Variants in ZNF672 observed in about 807,000 individuals in gnomAD.
ZNF672 encodes the protein hypothetical protein FLJ22301.
For missense variants in ZNF672, 733 were observed against 701.1 expected (o/e 1.05, Z -0.51); for synonymous variants, 358 against 305.6 (o/e 1.17, Z -1.79).
rs988896895 is a variant in ZNF672 at position 248,847,130 on chromosome 1, A to T, written c.-145A>T. On this transcript the variant is annotated 5_prime_UTR_variant, in exon 4 of 4. Transcript: ENST00000306562. Reference sequence around the variant, plus strand: ...TCTGCCCCTTAGAGAAGAACCCTGAAATCAGACCAGTTTTTGCGGCCTCCC... The same window carrying T: ...TCTGCCCCTTAGAGAAGAACCCTGATATCAGACCAGTTTTTGCGGCCTCCC... 10 of 1,143,828 alleles carry T rather than the reference A, an allele frequency of 8.7e-6. No individual in the cohort carries two copies. Among genetic ancestry groups the T allele is most frequent in the African/African-American group, 1.6e-5 (1 of 64,258 alleles). The allele number at this position is 1,143,828 out of a possible 1,614,324, so 70.9% of individuals were successfully genotyped here.
rs1659152023 is a variant in ZNF672 at position 248,847,305 on chromosome 1, G to A, written c.31G>A (p.Gly11Arg). Residue 11 changes from glycine to arginine, a missense_variant, in exon 4 of 4, where the codon GGG becomes AGG. Coordinates refer to ENST00000306562, the MANE Select transcript of ZNF672 (RefSeq NM_024836.3). ...TGCCACATCTGGGGCAGTGGCAGCG[G>A]GGAAGCCTTACTCGTGCAGCGAATG... The part of the protein sequence containing the change: MFATSGAVAA[G>R]KPYSCSECGK... 2 of 1,604,736 alleles carry A rather than the reference G, an allele frequency of 1.2e-6. No homozygotes were observed. Among genetic ancestry groups the A allele is most frequent in the Middle Eastern group, 1.7e-4 (1 of 6,058 alleles).
At position 248,847,907 on chromosome 1, in the gene ZNF672, C is replaced by T. The variant is rs1238883396; in HGVS notation, c.633C>T (p.Ser211=). The T allele has an allele frequency of 6.3e-7, 1 of 1,586,638 alleles. No homozygotes were observed. Among genetic ancestry groups the T allele is most frequent in the Non-Finnish European group, 8.6e-7 (1 of 1,168,394 alleles). ...CGVCGKCFGK[S]STLTRHLQTH... is the part of the protein sequence containing the mutation. ...TGTGCGGCAAGTGCTTTGGCAAGAG[C>T]TCTACGCTGACGCGACACCTGCAGA... The change falls in exon 4 of 4, where the codon AGC becomes AGT. Residue 211 remains serine (S), a synonymous_variant. Coordinates refer to ENST00000306562, the MANE Select transcript of ZNF672 (RefSeq NM_024836.3).
chr1:248,845,629 G>A lies in ZNF672; in HGVS notation c.-257G>A, dbSNP rs1664745616. 2 of 152,144 alleles carry A rather than the reference G, an allele frequency of 1.3e-5. No individual in the cohort carries two copies. The highest frequency in any genetic ancestry group is 4.2e-4 in the South Asian group (2 of 4,818). The allele number at this position is 152,144 out of a possible 1,614,324, so 9.4% of individuals were successfully genotyped here. On this transcript the variant is annotated 5_prime_UTR_variant, in exon 3 of 4. It introduces an in-frame stop codon into an upstream open reading frame of the 5' UTR. Coordinates refer to ENST00000306562, the MANE Select transcript of ZNF672 (RefSeq NM_024836.3). The stretch of plus-strand genomic sequence containing the variant: ...TGCGGCTACTCCTGCCCAGCGTGGT[G>A]GGGCAGCAGAAGCTCCAGAGCCCAG...
chr1:248,848,345 T>C lies in ZNF672; in HGVS notation c.1071T>C (p.His357=). 6.2e-7 allele frequency: 1 copy of C among 1,601,386 alleles called. No homozygotes were observed. Among genetic ancestry groups the C allele is most frequent in the Non-Finnish European group, 8.5e-7 (1 of 1,179,720 alleles). The change falls in exon 4 of 4, where the codon CAT becomes CAC. Residue 357 remains histidine (H), a synonymous_variant. Transcript: ENST00000306562. ...RFTCVSNLNV[H]RRNHAGHKPH... ...CGTGCGTGTCCAATCTCAACGTGCATCGGCGCAACCATGCCGGCCACAAGC... is the reference window on the plus strand; with the variant it reads ...CGTGCGTGTCCAATCTCAACGTGCACCGGCGCAACCATGCCGGCCACAAGC...
At position 248,849,455 on chromosome 1, in the gene ZNF672, A is replaced by C; in HGVS notation, c.*822A>C. 1 of 271,422 alleles carries C rather than the reference A, an allele frequency of 3.7e-6. No individual in the cohort carries two copies. Among genetic ancestry groups the C allele is most frequent in the South Asian group, 4.6e-5 (1 of 21,708 alleles). 16.8% of individuals were successfully genotyped at this position (271,422 alleles called of 1,614,324 possible). ...CAGCAGGGAGAGGGCAGGATGGAAA[A>C]TCCCCTGGAGCCGGTCAACTTTTTG... On this transcript the variant is annotated 3_prime_UTR_variant, in exon 4 of 4. Coordinates refer to ENST00000306562, the MANE Select transcript of ZNF672 (RefSeq NM_024836.3).
At chr1:248,843,241 A>T (rs1384134990) in intron 1 of ZNF672, among the ~76,000 whole-genome samples, 1 of 152,198 alleles carries the variant, frequency 6.6e-6, no homozygotes, top group Non-Finnish European at 1.5e-5. Flanking sequence ...TCAAAGGACT[A>T]CTGGGAGGAC....
chr1:248,847,913 G>A lies in ZNF672; in HGVS notation c.639G>A (p.Thr213=), dbSNP rs564842394. The A allele has an allele frequency of 6.3e-7, 1 of 1,583,812 alleles. No homozygotes were observed. Among genetic ancestry groups the A allele is most frequent in the Admixed American group, 1.7e-5 (1 of 58,076 alleles). The change falls in exon 4 of 4, where the codon ACG becomes ACA. Residue 213 remains threonine (T), a synonymous_variant. Transcript: ENST00000306562. Reference sequence around the variant, plus strand: ...GCAAGTGCTTTGGCAAGAGCTCTACGCTGACGCGACACCTGCAGACGCACT... The same window carrying A: ...GCAAGTGCTTTGGCAAGAGCTCTACACTGACGCGACACCTGCAGACGCACT... The part of the protein sequence containing the change: ...VCGKCFGKSS[T]LTRHLQTHSG...
chr1:248,846,955 G>T, intron 3 of ZNF672, 97 bp from the exon 4 acceptor site: 1 of 279,944 alleles, frequency 3.6e-6, no homozygotes. Context: ...CCTGGAGATG[G>T]ACTACCTAAA....
chr1:248,843,502 G>A (rs1297914829), intron 1 of ZNF672, among the ~76,000 whole-genome samples: 1 of 152,184 alleles, frequency 6.6e-6, no homozygotes, highest in Non-Finnish European at 1.5e-5. Context: ...CTGAAGCTCT[G>A]AAGGTCAGAC....
At position 248,848,532 on chromosome 1, in the gene ZNF672, G is replaced by T; in HGVS notation, c.1258G>T (p.Ala420Ser). Reference sequence around the variant, plus strand: ...ACAGCATCAGCGGGCCCACACGCGCGCCCGCACCGCTGCCGCCGTTGCCAT... The same window carrying T: ...ACAGCATCAGCGGGCCCACACGCGCTCCCGCACCGCTGCCGCCGTTGCCAT... Reference protein sequence around the residue: ...LSQHQRAHTRARTAAAVAIQS... With the variant: ...LSQHQRAHTRSRTAAAVAIQS... Residue 420 changes from alanine (A) to serine (S), a missense_variant, in exon 4 of 4, where the codon GCC becomes TCC. By Grantham distance (99) the Ala-to-Ser change is moderately conservative. Coordinates refer to ENST00000306562, the MANE Select transcript of ZNF672 (RefSeq NM_024836.3). 5 of 1,597,638 alleles carry T rather than the reference G, an allele frequency of 3.1e-6. No homozygotes were observed. Among genetic ancestry groups the T allele is most frequent in the Non-Finnish European group, 4.3e-6 (5 of 1,171,444 alleles).
chr1:248,846,556 G>T (rs926181821), intron 3 of ZNF672, among the ~76,000 whole-genome samples: 2 of 152,212 alleles, frequency 1.3e-5, no homozygotes, highest in African/African-American at 2.4e-5. Context: ...TGCTGGACCT[G>T]TTTGTGCTTC....
intron 3 of ZNF672, among the ~76,000 whole-genome samples, chr1:248,846,140 A>ATTTC (rs1664757151): frequency 6.6e-6 from 1 of 152,214 alleles, no homozygotes; most frequent in Non-Finnish European, 1.5e-5. Context: ...TGGCTGAGAC[A>ATTTC]GTGAGGAAAT....
At position 248,849,128 on chromosome 1, in the gene ZNF672, T is replaced by C; in HGVS notation, c.*495T>C. 2.1e-6 allele frequency: 1 copy of C among 470,432 alleles called. No homozygotes were observed. The highest frequency in any genetic ancestry group is 4.4e-6 in the Non-Finnish European group (1 of 226,916). 29.1% of individuals were successfully genotyped at this position (470,432 alleles called of 1,614,324 possible). A position where few individuals can be genotyped will look rare whatever the true frequency, so the allele number is the denominator to read the frequency against. ...TGTGGCTTCTTGACTCTTGGTTCCC[T>C]GTTAACTCTGTTTCTGAGAAATGTG... On this transcript the variant is annotated 3_prime_UTR_variant, in exon 4 of 4. Coordinates refer to ENST00000306562, the MANE Select transcript of ZNF672 (RefSeq NM_024836.3).
rs1299566526 is a variant in ZNF672, at chr1:248,848,321, G to A, written c.1047G>A (p.Thr349=). 1.2e-6 allele frequency: 2 copies of A among 1,601,842 alleles called. No individual in the cohort carries two copies. The highest frequency in any genetic ancestry group is 1.3e-5 in the African/African-American group (1 of 74,900). ...GCGAACTGTGCGGCAAGCGGTTCAC[G>A]TGCGTGTCCAATCTCAACGTGCATC... ...YRCELCGKRF[T]CVSNLNVHRR... Residue 349 remains threonine, a synonymous_variant, in exon 4 of 4, where the codon ACG becomes ACA. Transcript: ENST00000306562.
intron 1 of ZNF672, among the ~76,000 whole-genome samples, chr1:248,840,075 C>G (rs1053982238): frequency 1.3e-4 from 19 of 149,834 alleles, no homozygotes; most frequent in African/African-American, 4.7e-4. Flanking sequence ...ATATGAAACA[C>G]TATAATAATA....
At chr1:248,839,913 A>G (rs2103026806) in intron 1 of ZNF672, among the ~76,000 whole-genome samples, 1 of 150,380 alleles carries the variant, frequency 6.6e-6, no homozygotes, top group Admixed American at 6.6e-5. Context: ...TGATTTTTGT[A>G]TTTTTCGTAG....
At chr1:248,844,763 G>A (rs1202762400) in intron 2 of ZNF672, 127 bp downstream of exon 2, 1 of 152,296 alleles carries the variant, frequency 6.6e-6, no homozygotes, top group Non-Finnish European at 1.5e-5. Context: ...TTTGAGAGGT[G>A]CCATGGTCTC....
Position 248,848,055 on chromosome 1 carries a change from G to T in ZNF672, c.781G>T (p.Gly261Ter). ...GAAGCCGTACGCATGTGGCGACTGT[G>T]GACGCTGCTTCAGCGAGAGTTCCAC... is the stretch of plus-strand genomic sequence containing the variant. ...GEKPYACGDCGRCFSESSTLL... is the reference protein window; with the variant it reads ...GEKPYACGDC Residue 261 changes from glycine (G) to a stop codon, truncating the protein, a stop_gained, in exon 4 of 4, where the codon GGA (glycine) becomes TGA (stop). Transcript: ENST00000306562. LOFTEE classifies it low-confidence loss of function (END_TRUNC). The T allele has an allele frequency of 6.4e-7, 1 of 1,550,906 alleles. No individual in the cohort carries two copies.
In ZNF672 at chr1:248,847,976, G is replaced by T. The variant is rs1021415268; in HGVS notation, c.702G>T (p.Lys234Asn). ...CCTTCAAGTGCCCGGAGTGCGGCAA[G>T]GGCTTCCTGGAGAGCGCCACGCTGG... ...EKPFKCPECG[K>N]GFLESATLVR... Residue 234 changes from lysine to asparagine, a missense_variant, in exon 4 of 4, where the codon AAG (lysine) becomes AAT (asparagine). Coordinates refer to ENST00000306562, the MANE Select transcript of ZNF672 (RefSeq NM_024836.3). 2 of 1,560,944 alleles carry T rather than the reference G, an allele frequency of 1.3e-6. No individual in the cohort carries two copies. Among genetic ancestry groups the T allele is most frequent in the Non-Finnish European group, 1.7e-6 (2 of 1,154,206 alleles).
Sources: gnomAD v4.1 joint callset for allele counts (sites outside exome capture counted in the v4.1 genomes callset) on GRCh38, gnomAD v4.1.1 for gene constraint, MANE v1.5 for transcripts, NCBI Gene and HGNC (gene_info 2026-07-23, HGNC 2026-07-21) for gene names.